HSF2: variants seen among roughly 807,000 people sequenced by gnomAD.
The protein encoded by HSF2 is heat shock transcription factor 2, also known as heat shock factor protein 2.
Under a neutral mutation model 65.0 loss-of-function variants are expected in HSF2, and 21 were observed. The observed-to-expected ratio is 0.32, with a 90% confidence interval of 0.23 to 0.47. The LOEUF (loss-of-function observed/expected upper bound fraction) is 0.47, where lower values mean the gene tolerates loss of function less well. Ranked by LOEUF, HSF2 falls within the 20% of genes least tolerant of loss-of-function variation. The pLI, the probability that HSF2 is intolerant of heterozygous loss-of-function variation, is 1.00. For synonymous variants in HSF2, 225 were observed against 219.1 expected, an observed-to-expected ratio of 1.03 and a Z score of -0.24; for missense variants, 499 against 628.1, an observed-to-expected ratio of 0.79 and a Z score of 2.20.
chr6:122,411,286 G>A (rs1030268205), intron 1 of HSF2, among the ~76,000 whole-genome samples: 39 of 151,408 alleles, frequency 2.6e-4, no homozygotes, highest in African/African-American at 9.2e-4. Flanking sequence ...ATCCTTGCTC[G>A]TTTTTTATCG....
At chr6:122,406,812 T>A (rs1770217890) in intron 1 of HSF2, among the ~76,000 whole-genome samples, 1 of 152,188 alleles carries the variant, frequency 6.6e-6, no homozygotes, top group Non-Finnish European at 1.5e-5. Flanking sequence ...TAATTTTTCT[T>A]AAATTTGACC....
rs1774492501 is a variant in HSF2, at chr6:122,432,255, A to C, written c.*35A>C. On this transcript the variant is annotated 3_prime_UTR_variant, in exon 13 of 13. Transcript: ENST00000368455. ...AAGTGGACTTTACATGTATATATTC[A>C]TCAAAATGATGAACTATTTATTTTA... 1 of 1,464,578 alleles carries C rather than the reference A, an allele frequency of 6.8e-7. No individual in the cohort carries two copies. The highest frequency in any genetic ancestry group is 2.1e-5 in the Admixed American group (1 of 47,916). 90.7% of individuals were successfully genotyped at this position (1,464,578 alleles called of 1,614,324 possible).
chr6:122,420,908 C>T (rs1157946739), intron 7 of HSF2, among the ~76,000 whole-genome samples: 1 of 150,900 alleles, frequency 6.6e-6, no homozygotes, highest in Non-Finnish European at 1.5e-5. Context: ...GATGGATTTT[C>T]ATCATGTCAC....
intron 5 of HSF2, among the ~76,000 whole-genome samples, chr6:122,416,720 G>T (rs1020185260): frequency 6.6e-6 from 1 of 152,194 alleles, no homozygotes. Flanking sequence ...CAAATCAGTT[G>T]ACCAAATTAT....
Position 122,413,534 on chromosome 6 carries a change from TCAAAAC to T in HSF2, c.343_348del (p.Lys115_Pro116del). On this transcript the variant is annotated inframe_deletion, in exon 4 of 13. Transcript: ENST00000368455. ...ATTTACTTTTTCAAAGGTTTCATCT[TCAAAAC>T]CAGAAGAAAATAAAATTCGTCAGGA... The T allele has an allele frequency of 6.4e-7, 1 of 1,573,880 alleles. No homozygotes were observed. The highest frequency in any genetic ancestry group is 8.7e-7 in the Non-Finnish European group (1 of 1,147,044).
chr6:122,432,071 G>C lies in HSF2; in HGVS notation c.1462G>C (p.Asp488His). ...DKPIEVDELLDSSLDPEPTQS... is the reference protein window; with the variant it reads ...DKPIEVDELLHSSLDPEPTQS... ...ACCCATAGAAGTTGATGAGCTTCTG[G>C]ATAGCAGCCTAGACCCAGAACCAAC... Residue 488 changes from aspartate (D) to histidine (H), a missense_variant, in exon 13 of 13, where the codon GAT becomes CAT. By Grantham distance (81) the Asp-to-His change is moderately conservative. This residue lies in a region of HSF2 where 349 missense variants were observed against 393.5 expected (regional missense o/e 0.89). Coordinates refer to ENST00000368455, the MANE Select transcript of HSF2 (RefSeq NM_004506.4). 4 of 1,614,068 alleles carry C rather than the reference G, an allele frequency of 2.5e-6. No individual in the cohort carries two copies. Among genetic ancestry groups the C allele is most frequent in the Non-Finnish European group, 3.4e-6 (4 of 1,179,968 alleles).
At chr6:122,425,531 G>A (rs1158493368) in intron 10 of HSF2, among the ~76,000 whole-genome samples, 1 of 152,024 alleles carries the variant, frequency 6.6e-6, no homozygotes, top group African/African-American at 2.4e-5. Flanking sequence ...ATGAAGGGCT[G>A]TTGGCAAGAA....
At chr6:122,422,485 A>T (rs1166163278) in intron 8 of HSF2, among the ~76,000 whole-genome samples, 187 bp downstream of exon 8, 1 of 152,196 alleles carries the variant, frequency 6.6e-6, no homozygotes, top group African/African-American at 2.4e-5. Flanking sequence ...CAAAGGAGGT[A>T]TACTGAAAAC....
chr6:122,416,421 T>C (rs971313421), intron 5 of HSF2, 125 bp downstream of exon 5: 21 of 523,956 alleles, frequency 4.0e-5, no homozygotes, highest in Non-Finnish European at 7.1e-5. Context: ...GATGCACAGA[T>C]AGAAGTAAAA....
rs777326167 is a variant in HSF2 at position 122,432,100 on chromosome 6, A to G, written c.1491A>G (p.Gln497=). 3 of 1,613,974 alleles carry G rather than the reference A, an allele frequency of 1.9e-6. No homozygotes were observed. The highest frequency in any genetic ancestry group is 1.3e-5 in the African/African-American group (1 of 74,908). ...GCAGCCTAGACCCAGAACCAACCCA[A>G]AGTAAGCTTGTTCGCCTGGAGCCAT... ...LDSSLDPEPT[Q]SKLVRLEPLT... The change falls in exon 13 of 13, where the codon CAA becomes CAG. Residue 497 remains glutamine, a synonymous_variant. Coordinates refer to ENST00000368455, the MANE Select transcript of HSF2 (RefSeq NM_004506.4).
At chr6:122,410,034 C>A (rs1773955449) in intron 1 of HSF2, among the ~76,000 whole-genome samples, 1 of 151,918 alleles carries the variant, frequency 6.6e-6, no homozygotes, top group African/African-American at 2.4e-5. Context: ...ATCACTTCTT[C>A]TTTTGTACTA....
chr6:122,399,601 G>T, upstream of HSF2: 1 of 675,274 alleles, frequency 1.5e-6, no homozygotes, highest in Non-Finnish European at 2.5e-6. Context: ...CCGCGCGCCT[G>T]GCGGGGTTGG....
At chr6:122,405,113 A>G (rs540532050) in intron 1 of HSF2, among the ~76,000 whole-genome samples, 4 of 152,054 alleles carry the variant, frequency 2.6e-5, no homozygotes, top group Admixed American at 1.3e-4. Flanking sequence ...TGAGTGGTGG[A>G]TATCAATAAA....
chr6:122,418,193 A>G (rs1774163789), intron 5 of HSF2, among the ~76,000 whole-genome samples: 1 of 152,154 alleles, frequency 6.6e-6, no homozygotes, highest in Non-Finnish European at 1.5e-5. Flanking sequence ...CTTCTCAGTG[A>G]TATACTACTT....
intron 4 of HSF2, among the ~76,000 whole-genome samples, chr6:122,415,395 A>G (rs370603219): frequency 1.3e-5 from 2 of 152,028 alleles, no homozygotes; most frequent in Non-Finnish European, 2.9e-5. Flanking sequence ...CAGTGTCCTC[A>G]TCTATAAAAT....
intron 5 of HSF2, among the ~76,000 whole-genome samples, chr6:122,418,735 G>A (rs1774174428): frequency 6.6e-6 from 1 of 152,106 alleles, no homozygotes; most frequent in South Asian, 2.1e-4. Flanking sequence ...GCTTCCCAAA[G>A]TGTTGGGATT....
At chr6:122,413,440 G>A (rs1774045926) in intron 3 of HSF2, 85 bp from the exon 4 acceptor site, 9 of 1,022,222 alleles carry the variant, frequency 8.8e-6, no homozygotes, top group East Asian at 5.3e-5. Flanking sequence ...AACAGGCTAC[G>A]AAAACCTCTT....
Position 122,432,158 on chromosome 6 carries a change from T to C in HSF2, c.1549T>C (p.Phe517Leu), listed in dbSNP as rs1160347653. ...AGCTGAAGCTAGTGAAGCTACACTG[T>C]TTTATTTATGTGAACTTGCTCCTGC... is the stretch of plus-strand genomic sequence containing the variant. The part of the protein sequence containing the change: ...TEAEASEATL[F>L]YLCELAPAPL... Residue 517 changes from phenylalanine (F) to leucine (L), a missense_variant, in exon 13 of 13, where the codon TTT (phenylalanine) becomes CTT (leucine). Physicochemically the swap from Phe to Leu is conservative, Grantham distance 22 (BLOSUM62 0). Transcript: ENST00000368455. The C allele has an allele frequency of 1.9e-6, 3 of 1,614,006 alleles. No homozygotes were observed. Among genetic ancestry groups the C allele is most frequent in the Non-Finnish European group, 2.5e-6 (3 of 1,179,982 alleles).
intron 7 of HSF2, among the ~76,000 whole-genome samples, chr6:122,420,700 CTTTTTTTTTTTTTTT>C (rs59305295): frequency 3.5e-5 from 1 of 28,572 alleles, no homozygotes; most frequent in Admixed American, 7.5e-4. Context: ...TTATTCATTT[CTTTTTTTTTTTTTTT>C]TTTTTTTTTT....
Sources: allele counts gnomAD v4.1 joint callset (sites outside exome capture counted in the v4.1 genomes callset), GRCh38; gene constraint gnomAD v4.1.1; regional missense constraint gnomAD v4.1.1; transcripts MANE v1.5; gene names NCBI Gene and HGNC (gene_info 2026-07-23, HGNC 2026-07-21).